The following TP63 variants were observed in gnomAD, a reference collection of about 807,000 sequenced individuals.
TP63 encodes tumor protein 63.
TP63 carries 17 observed loss-of-function variants against 82.8 expected under a neutral mutation model. The observed-to-expected ratio is 0.21, with a 90% CI of 0.14 to 0.31. TP63 has a LOEUF of 0.31. Among genes scored for constraint, TP63 ranks in the 10% least tolerant of loss-of-function variants. TP63 has a pLI of 1.00. For missense variants in TP63, 648 were observed against 895.3 expected, an observed-to-expected ratio of 0.72 and a Z score of 3.52; for synonymous variants, 330 against 321.7, an observed-to-expected ratio of 1.03 and a Z score of -0.28.
chr3:189,707,271 C>T (rs1192575429), intron 1 of TP63, among the ~76,000 whole-genome samples: 1 of 152,150 alleles, frequency 6.6e-6, no homozygotes, highest in African/African-American at 2.4e-5. Flanking sequence ...TCTGTAATCA[C>T]AGCACTGATA....
chr3:189,736,185 A>G (rs1577325892), intron 1 of TP63, among the ~76,000 whole-genome samples: 1 of 149,674 alleles, frequency 6.7e-6, no homozygotes, highest in Middle Eastern at 3.6e-3. Flanking sequence ...ATATTTTGAT[A>G]TATGTAAATA....
chr3:189,602,802 G>T, the TP63 span, among the ~76,000 whole-genome samples: 67 of 152,170 alleles, frequency 4.4e-4, no homozygotes, highest in African/African-American at 1.4e-3. Context: ...AGAGTCTGCT[G>T]TTTAATAATG....
chr3:189,841,260 G>A (rs1361500807), intron 4 of TP63, among the ~76,000 whole-genome samples: 1 of 152,180 alleles, frequency 6.6e-6, no homozygotes, highest in Non-Finnish European at 1.5e-5. Flanking sequence ...TTAAGTCTCT[G>A]ATTCTGATTC....
At chr3:189,742,976 T>C (rs1315199361) in intron 3 of TP63, among the ~76,000 whole-genome samples, 2 of 152,136 alleles carry the variant, frequency 1.3e-5, no homozygotes, top group African/African-American at 4.8e-5. Context: ...GTAACTGTTA[T>C]AAAAATAATT....
chr3:189,845,275 CT>C (rs1714713969), intron 4 of TP63, among the ~76,000 whole-genome samples: 1 of 152,110 alleles, frequency 6.6e-6, no homozygotes, highest in African/African-American at 2.4e-5. Flanking sequence ...CTGGCATTTC[CT>C]GTTTGTGACT....
intron 1 of TP63, among the ~76,000 whole-genome samples, chr3:189,672,648 GGGAGGAAGGAAGGAAA>G (rs754680382): frequency 1.3e-4 from 17 of 129,010 alleles, no homozygotes; most frequent in East Asian, 8.8e-4. Flanking sequence ...GAGGGAGGGA[GGGAGGAAGGAAGGAAA>G]GAAGGAAGGA....
At chr3:189,621,095 G>A in the TP63 span, among the ~76,000 whole-genome samples, 1 of 152,224 alleles carries the variant, frequency 6.6e-6, no homozygotes, top group East Asian at 1.9e-4. Context: ...TATTTGTAAT[G>A]GTTATTTCTT....
At chr3:189,864,499 A>G (rs1717445371) in intron 5 of TP63, 81 bp downstream of exon 5, 4 of 1,337,822 alleles carry the variant, frequency 3.0e-6, no homozygotes, top group African/African-American at 1.6e-5. Flanking sequence ...AGACCCACCT[A>G]CCTGATTCAG....
chr3:189,707,248 T>C (rs73892316), intron 1 of TP63, among the ~76,000 whole-genome samples: 5,810 of 152,322 alleles, frequency 0.038, 174 homozygotes, highest in African/African-American at 0.084. Context: ...AATGCTTGCA[T>C]AGTATTTGCA....
chr3:189,811,356 ATTT>A (rs1274303888), intron 4 of TP63, among the ~76,000 whole-genome samples: 5 of 152,146 alleles, frequency 3.3e-5, no homozygotes, highest in Non-Finnish European at 7.4e-5. Context: ...CTTCTCTTGG[ATTT>A]TTGTTCACTT....
At chr3:189,842,972 C>T (rs544136840) in intron 4 of TP63, among the ~76,000 whole-genome samples, 15 of 152,322 alleles carry the variant, frequency 9.8e-5, no homozygotes, top group African/African-American at 3.6e-4. Context: ...TCATTTTACC[C>T]TCCTGGGGAG....
intron 3 of TP63, among the ~76,000 whole-genome samples, chr3:189,807,129 A>G (rs1424107318): frequency 2.6e-5 from 4 of 152,116 alleles, no homozygotes; most frequent in Admixed American, 1.3e-4. Context: ...ATGTGTCGGA[A>G]GGTTTTACAA....
intron 9 of TP63, 40 bp from the exon 10 acceptor site, chr3:189,872,819 C>T (rs772192611): frequency 1.2e-6 from 2 of 1,613,782 alleles, no homozygotes; most frequent in African/African-American, 2.7e-5. Flanking sequence ...AGTTCTACAG[C>T]TTTTCATGTT....
intron 4 of TP63, among the ~76,000 whole-genome samples, chr3:189,857,855 A>G (rs1215909638): frequency 6.6e-6 from 1 of 152,230 alleles, no homozygotes; most frequent in Admixed American, 6.5e-5. Flanking sequence ...GGATGTGGAG[A>G]GAAGAGAACC....
At chr3:189,599,432 G>T in the TP63 span, among the ~76,000 whole-genome samples, 2 of 152,116 alleles carry the variant, frequency 1.3e-5, no homozygotes, top group Non-Finnish European at 2.9e-5. Flanking sequence ...ATTTCTCAGA[G>T]ACTCTTTCTG....
At chr3:189,689,885 G>A (rs1185790462) in intron 1 of TP63, among the ~76,000 whole-genome samples, 1 of 152,116 alleles carries the variant, frequency 6.6e-6, no homozygotes, top group African/African-American at 2.4e-5. Context: ...TGGCAGGAGA[G>A]GAGGGTGAAT....
intron 3 of TP63, among the ~76,000 whole-genome samples, chr3:189,770,344 C>T (rs1243930407): frequency 1.3e-5 from 2 of 151,968 alleles, no homozygotes; most frequent in African/African-American, 2.4e-5. Context: ...TTTGGGAGGC[C>T]GAGGCAGGTG....
At chr3:189,624,594 T>C in the TP63 span, among the ~76,000 whole-genome samples, 2 of 152,170 alleles carry the variant, frequency 1.3e-5, no homozygotes, top group African/African-American at 2.4e-5. Flanking sequence ...TTTATTTTCC[T>C]ACAGACACAA....
At chr3:189,616,641 T>A in the TP63 span, among the ~76,000 whole-genome samples, 5 of 152,212 alleles carry the variant, frequency 3.3e-5, no homozygotes, top group Non-Finnish European at 4.4e-5. Flanking sequence ...GGGCTCAATC[T>A]GGGCACATCA....
Sources: gnomAD v4.1 joint callset for allele counts (sites outside exome capture counted in the v4.1 genomes callset) on GRCh38, gnomAD v4.1.1 for gene constraint, MANE v1.5 for transcripts, NCBI Gene and HGNC (gene_info 2026-07-23, HGNC 2026-07-21) for gene names.